Variants in ADAMTSL3 observed in about 807,000 individuals in gnomAD.
The protein encoded by ADAMTSL3 is ADAMTS-like protein 3.
In ADAMTSL3, 128 loss-of-function variants were observed where a neutral mutation model predicts 201.7. The observed-to-expected ratio is 0.63, with a 90% CI of 0.55 to 0.73. The LOEUF (loss-of-function observed/expected upper bound fraction) is 0.73, where lower values mean the gene tolerates loss of function less well. Among genes scored for constraint, ADAMTSL3 ranks in the 30% least tolerant of loss-of-function variants. The pLI, the probability that ADAMTSL3 is intolerant of heterozygous loss-of-function variation, is 0.00. For synonymous variants in ADAMTSL3, 738 were observed against 748.4 expected, an observed-to-expected ratio of 0.99 and a Z score of 0.23; for missense variants, 1,990 against 2,119.6, an observed-to-expected ratio of 0.94 and a Z score of 1.20.
chr15:83,772,446 C>T (rs1204709773), intron 3 of ADAMTSL3, among the ~76,000 whole-genome samples: 4 of 152,162 alleles, frequency 2.6e-5, no homozygotes, highest in Admixed American at 2.6e-4. Flanking sequence ...AATTTCCCTT[C>T]TTCTCTGTAG....
intron 6 of ADAMTSL3, among the ~76,000 whole-genome samples, chr15:83,829,405 A>T (rs918447811): frequency 6.7e-6 from 1 of 150,354 alleles, no homozygotes; most frequent in African/African-American, 2.5e-5. Context: ...CGCCTATTTG[A>T]TTCTTCTCTC....
In ADAMTSL3 at chr15:83,982,994, T is replaced by C. The variant is rs753327397; in HGVS notation, c.3366T>C (p.Tyr1122=). Residue 1122 remains tyrosine (Y), a synonymous_variant, in exon 21 of 30, where the codon TAT becomes TAC. Coordinates refer to ENST00000286744, the MANE Select transcript of ADAMTSL3 (RefSeq NM_207517.3). ...VSDDLASQLI[Y]QLVAELAKAQ... is the part of the protein sequence containing the mutation. ...ATGATCTTGCGTCCCAGCTGATATA[T>C]CAGCTGGTGGCCGAATTAGCCAAGG... 1.2e-6 allele frequency: 2 copies of C among 1,613,956 alleles called. No homozygotes were observed. The highest frequency in any genetic ancestry group is 2.7e-5 in the African/African-American group (2 of 74,864).
intron 6 of ADAMTSL3, among the ~76,000 whole-genome samples, chr15:83,822,120 C>CG (rs1385897874): frequency 5.5e-5 from 8 of 145,302 alleles, no homozygotes; most frequent in African/African-American, 1.5e-4. Flanking sequence ...CCTGGCCGGG[C>CG]GGGGGGCTGA....
At chr15:83,819,775 G>T (rs775537591) in intron 5 of ADAMTSL3, 36 bp from the exon 6 acceptor site, 1 of 1,525,888 alleles carries the variant, frequency 6.6e-7, no homozygotes, top group South Asian at 1.1e-5. Flanking sequence ...TCTCTCACTG[G>T]GTGATGTGCA....
At chr15:83,717,559 G>C (rs1206342720) in intron 3 of ADAMTSL3, 1 of 152,108 alleles carries the variant, frequency 6.6e-6, no homozygotes, top group Non-Finnish European at 1.5e-5. Context: ...AGGGAGAAAA[G>C]AAGGTGCGGG....
chr15:83,942,535 C>T, intron 17 of ADAMTSL3, 61 bp from the exon 18 acceptor site: 1 of 1,515,844 alleles, frequency 6.6e-7, no homozygotes, highest in Non-Finnish European at 9.0e-7. Context: ...TGTTCATGCT[C>T]TGATGGTTGC....
intron 23 of ADAMTSL3, among the ~76,000 whole-genome samples, chr15:84,002,768 T>G (rs1008816115): frequency 1.3e-5 from 2 of 152,114 alleles, no homozygotes; most frequent in Non-Finnish European, 2.9e-5. Context: ...AAAAAAATTT[T>G]AAAGAACTTG....
At chr15:83,885,411 T>C (rs888132299) in intron 10 of ADAMTSL3, among the ~76,000 whole-genome samples, 199 bp downstream of exon 10, 5 of 151,564 alleles carry the variant, frequency 3.3e-5, no homozygotes, top group African/African-American at 1.2e-4. Flanking sequence ...GGTGCAAAAC[T>C]GGATTTGGAA....
chr15:83,657,704 C>T (rs1023485273), intron 2 of ADAMTSL3, among the ~76,000 whole-genome samples: 4 of 152,214 alleles, frequency 2.6e-5, no homozygotes, highest in Non-Finnish European at 4.4e-5. Context: ...TTGAAGCAAG[C>T]GCAGTGCCTG....
At chr15:83,670,072 A>T (rs988230924) in intron 2 of ADAMTSL3, among the ~76,000 whole-genome samples, 1 of 151,824 alleles carries the variant, frequency 6.6e-6, no homozygotes, top group Non-Finnish European at 1.5e-5. Context: ...AGCCTGGCCA[A>T]CATGGTGAAA....
At chr15:83,786,772 A>G (rs2063271352) in intron 4 of ADAMTSL3, among the ~76,000 whole-genome samples, 1 of 152,168 alleles carries the variant, frequency 6.6e-6, no homozygotes, top group Admixed American at 6.5e-5. Context: ...TAGGAAGCCT[A>G]TCTTGACTGG....
At chr15:83,670,280 A>T (rs1342542315) in intron 2 of ADAMTSL3, among the ~76,000 whole-genome samples, 1 of 151,094 alleles carries the variant, frequency 6.6e-6, no homozygotes, top group African/African-American at 2.4e-5. Context: ...AAAAAAAAAA[A>T]AAAGAACAGA....
intron 6 of ADAMTSL3, among the ~76,000 whole-genome samples, chr15:83,835,687 G>T (rs2064255236): frequency 6.6e-6 from 1 of 152,212 alleles, no homozygotes; most frequent in Non-Finnish European, 1.5e-5. Flanking sequence ...CTTGGAGAAA[G>T]TTGCATGAAC....
intron 17 of ADAMTSL3, among the ~76,000 whole-genome samples, chr15:83,925,955 T>A (rs1321795171): frequency 6.6e-6 from 1 of 152,210 alleles, no homozygotes; most frequent in Non-Finnish European, 1.5e-5. Context: ...TTTCTCAACA[T>A]ATTTCCCCAT....
intron 28 of ADAMTSL3, 49 bp from the exon 29 acceptor site, chr15:84,036,724 T>G: frequency 6.7e-7 from 1 of 1,488,390 alleles, no homozygotes; most frequent in Non-Finnish European, 9.1e-7. Context: ...AGTTACACCC[T>G]GCCTCTCCTA....
chr15:83,995,327 C>T (rs2067668380), intron 23 of ADAMTSL3, among the ~76,000 whole-genome samples: 1 of 152,196 alleles, frequency 6.6e-6, no homozygotes, highest in Non-Finnish European at 1.5e-5. Context: ...ATCTGATAAA[C>T]TTCAACACGA....
chr15:83,981,308 G>T (rs879842103), intron 20 of ADAMTSL3, among the ~76,000 whole-genome samples: 3 of 152,224 alleles, frequency 2.0e-5, no homozygotes, highest in Non-Finnish European at 4.4e-5. Flanking sequence ...CCCATTAAGA[G>T]GAGCCGATCG....
At chr15:83,992,254 T>G (rs1024287933) in intron 23 of ADAMTSL3, among the ~76,000 whole-genome samples, 1 of 152,194 alleles carries the variant, frequency 6.6e-6, no homozygotes, top group Admixed American at 6.5e-5. Context: ...TCCACTGTCA[T>G]GATCAGTTAC....
chr15:83,780,085 T>A (rs2063142461), intron 4 of ADAMTSL3, among the ~76,000 whole-genome samples: 1 of 151,988 alleles, frequency 6.6e-6, no homozygotes, highest in African/African-American at 2.4e-5. Context: ...AGAGCTGAAC[T>A]GAAGGAGATT....
Sources: gnomAD v4.1 joint callset for allele counts (sites outside exome capture counted in the v4.1 genomes callset) on GRCh38, gnomAD v4.1.1 for gene constraint, MANE v1.5 for transcripts, NCBI Gene and HGNC (gene_info 2026-07-23, HGNC 2026-07-21) for gene names.